The following TRPC4 variants were observed in gnomAD, a reference collection of about 807,000 sequenced individuals.
The protein encoded by TRPC4 is short transient receptor potential channel 4.
In TRPC4, 49 loss-of-function variants were observed where a neutral mutation model predicts 99.4. The ratio of observed to expected loss-of-function variants is 0.49; its 90% confidence interval spans 0.39 to 0.63. TRPC4 has a LOEUF of 0.63. Ranked by LOEUF, TRPC4 falls within the 20% of genes least tolerant of loss-of-function variation. The pLI is 0.00. For synonymous variants in TRPC4, 454 were observed against 425.9 expected (o/e 1.07, Z -0.81); for missense variants, 898 against 1,152.9 (o/e 0.78, Z 3.20).
At chr13:37,637,697 T>C (rs1951580233) in intron 10 of TRPC4, 72 bp from the exon 11 acceptor site, 2 of 1,422,996 alleles carry the variant, frequency 1.4e-6, no homozygotes, top group Admixed American at 2.4e-5. Flanking sequence ...TCGTCTCATA[T>C]ATGGGTCAGA....
chr13:37,729,013 A>G (rs918405820), intron 3 of TRPC4, among the ~76,000 whole-genome samples: 3 of 152,126 alleles, frequency 2.0e-5, no homozygotes, highest in African/African-American at 7.2e-5. Flanking sequence ...GCCATACCAA[A>G]AATTAACTCA....
intron 7 of TRPC4, among the ~76,000 whole-genome samples, chr13:37,653,394 A>T (rs1217404083): frequency 6.6e-6 from 1 of 151,780 alleles, no homozygotes; most frequent in Non-Finnish European, 1.5e-5. Flanking sequence ...AGTTAACAAG[A>T]AAAAGAAAGA....
chr13:37,723,671 T>C (rs1193411059), intron 3 of TRPC4, among the ~76,000 whole-genome samples: 1 of 152,122 alleles, frequency 6.6e-6, no homozygotes, highest in African/African-American at 2.4e-5. Context: ...GCCTCAGCCT[T>C]CTGAGTAGCT....
At chr13:37,748,615 G>A (rs1278919381) in intron 2 of TRPC4, among the ~76,000 whole-genome samples, 3 of 151,316 alleles carry the variant, frequency 2.0e-5, no homozygotes, top group African/African-American at 7.3e-5. Context: ...TTTGTTGAAT[G>A]GTCAATTGAT....
chr13:37,725,772 G>A (rs1010892303), intron 3 of TRPC4, among the ~76,000 whole-genome samples: 3 of 152,156 alleles, frequency 2.0e-5, no homozygotes, highest in Admixed American at 6.5e-5. Context: ...CTTCCAAAGT[G>A]AGGGAGAAAT....
At chr13:37,714,221 G>A (rs562971390) in intron 3 of TRPC4, among the ~76,000 whole-genome samples, 27 of 151,932 alleles carry the variant, frequency 1.8e-4, no homozygotes, top group African/African-American at 6.0e-4. Flanking sequence ...CTGCCTCCTG[G>A]GTTCAAACGA....
In TRPC4 at chr13:37,868,026, A is replaced by C. The variant is rs17056744; in HGVS notation, c.-28+1569T>G. On this transcript the variant is annotated intron_variant, in intron 1 of 10. Coordinates refer to ENST00000379705, the MANE Select transcript of TRPC4 (RefSeq NM_016179.4). Reference sequence around the variant, plus strand: ...TATTTCCTATTAATACACAGTATGAATCGATTAAGGTTATTTTATATGAAA... The same window carrying C: ...TATTTCCTATTAATACACAGTATGACTCGATTAAGGTTATTTTATATGAAA... 6.1e-3 allele frequency among the ~76,000 whole-genome samples: 931 copies of C among 152,264 alleles called. 15 individuals carry two copies. The highest frequency in any genetic ancestry group is 0.022 in the African/African-American group (906 of 41,568).
chr13:37,830,483 C>T (rs1292458096), intron 1 of TRPC4, among the ~76,000 whole-genome samples: 3 of 151,716 alleles, frequency 2.0e-5, no homozygotes, highest in Non-Finnish European at 2.9e-5. Flanking sequence ...CTGAGGCAGG[C>T]GGATAACCTA....
chr13:37,704,512 C>A (rs1954204460), intron 3 of TRPC4, among the ~76,000 whole-genome samples: 1 of 152,034 alleles, frequency 6.6e-6, no homozygotes, highest in Non-Finnish European at 1.5e-5. Context: ...TATGGTGAGA[C>A]CCCATCTCTA....
intron 1 of TRPC4, among the ~76,000 whole-genome samples, chr13:37,795,194 A>G (rs593613): frequency 0.56 from 84,089 of 151,402 alleles, 23,737 homozygotes; most frequent in Admixed American, 0.68. Context: ...TTTCTTTGTT[A>G]TAAAATAATT....
At chr13:37,749,842 T>A (rs1463322454) in intron 2 of TRPC4, among the ~76,000 whole-genome samples, 1 of 152,120 alleles carries the variant, frequency 6.6e-6, no homozygotes, top group Non-Finnish European at 1.5e-5. Flanking sequence ...TTTATACTTG[T>A]TATTAAAGTA....
intron 1 of TRPC4, among the ~76,000 whole-genome samples, chr13:37,866,910 C>T (rs543015886): frequency 5.4e-4 from 81 of 149,252 alleles, no homozygotes; most frequent in Non-Finnish European, 9.0e-4. Flanking sequence ...TGAGCTGTCT[C>T]CTCAACCTCA....
chr13:37,782,165 A>T (rs201575331), intron 2 of TRPC4, among the ~76,000 whole-genome samples: 3 of 152,230 alleles, frequency 2.0e-5, no homozygotes, highest in East Asian at 3.9e-4. Flanking sequence ...TAATTCAGAC[A>T]CAAGGCAGTT....
chr13:37,666,337 C>T (rs569078916), intron 5 of TRPC4, among the ~76,000 whole-genome samples: 1 of 152,168 alleles, frequency 6.6e-6, no homozygotes, highest in Non-Finnish European at 1.5e-5. Flanking sequence ...TTAGGTCCCC[C>T]ACTGGGGACT....
intron 1 of TRPC4, among the ~76,000 whole-genome samples, chr13:37,824,893 A>G (rs1958152895): frequency 6.6e-6 from 1 of 151,906 alleles, no homozygotes; most frequent in Non-Finnish European, 1.5e-5. Context: ...CTGTGAATCC[A>G]TCTGGTCCTG....
chr13:37,715,737 T>A (rs759387785), intron 3 of TRPC4, among the ~76,000 whole-genome samples: 26 of 152,200 alleles, frequency 1.7e-4, no homozygotes, highest in Non-Finnish European at 3.2e-4. Context: ...ACTCACTAGA[T>A]CATAACATCA....
At chr13:37,764,664 T>G (rs1397467888) in intron 2 of TRPC4, among the ~76,000 whole-genome samples, 1 of 151,430 alleles carries the variant, frequency 6.6e-6, no homozygotes, top group Non-Finnish European at 1.5e-5. Flanking sequence ...ATTTCACTTT[T>G]CAGAATGATA....
At chr13:37,868,063 C>T (rs1959886667) in intron 1 of TRPC4, among the ~76,000 whole-genome samples, 1 of 152,094 alleles carries the variant, frequency 6.6e-6, no homozygotes, top group Non-Finnish European at 1.5e-5. Flanking sequence ...GTTATTTGGT[C>T]TCTTACTGGT....
chr13:37,688,066 A>G (rs1207403855), intron 4 of TRPC4, among the ~76,000 whole-genome samples: 1 of 152,196 alleles, frequency 6.6e-6, no homozygotes, highest in Non-Finnish European at 1.5e-5. Context: ...TTTCTTATAT[A>G]ATAAAGTTCA....
Sources: gnomAD v4.1 joint callset for allele counts (sites outside exome capture counted in the v4.1 genomes callset) on GRCh38, gnomAD v4.1.1 for gene constraint, MANE v1.5 for transcripts, NCBI Gene and HGNC (gene_info 2026-07-23, HGNC 2026-07-21) for gene names.